SDK1: variants seen among roughly 807,000 people sequenced by gnomAD.
SDK1 encodes protein sidekick-1.
In SDK1, 157 loss-of-function variants were observed where a neutral mutation model predicts 245.5. The observed-to-expected ratio is 0.64, with a 90% CI of 0.56 to 0.73. The LOEUF is 0.73. Ranked by LOEUF, SDK1 falls within the 30% of genes least tolerant of loss-of-function variation. SDK1 has a pLI of 0.00. For synonymous variants in SDK1, 1,647 were observed against 1,278.5 expected, an observed-to-expected ratio of 1.29 and a Z score of -6.15; for missense variants, 3,583 against 3,002.3, an observed-to-expected ratio of 1.19 and a Z score of -4.52.
chr7:3,814,515 G>C (rs1389576861), intron 4 of SDK1, among the ~76,000 whole-genome samples: 1 of 151,854 alleles, frequency 6.6e-6, no homozygotes, highest in Non-Finnish European at 1.5e-5. Context: ...GGTTACTGTA[G>C]CCTTGTAGTA....
At position 3,796,621 on chromosome 7, in the gene SDK1, T is replaced by G. The variant is rs951879180; in HGVS notation, c.714-24829T>G. ...CTTACCATCTCCCTCGTGACCACCT[T>G]GGCTCAAGCCAACATCTCTGGGCAC... On this transcript the variant is annotated intron_variant, in intron 4 of 44. Transcript: ENST00000404826. Among the ~76,000 whole-genome samples, 6 of 152,328 alleles carry G rather than the reference T, an allele frequency of 3.9e-5. No homozygotes were observed. In the East Asian group the frequency reaches 1.2e-3, roughly 29 times the overall value.
chr7:3,928,257 C>T (rs965732285), intron 5 of SDK1, among the ~76,000 whole-genome samples: 6 of 152,102 alleles, frequency 3.9e-5, no homozygotes, highest in African/African-American at 1.2e-4. Flanking sequence ...GGAGTTTTTT[C>T]GGTCTGAATT....
intron 35 of SDK1, among the ~76,000 whole-genome samples, chr7:4,186,490 A>C (rs1280873097): frequency 1.3e-5 from 2 of 152,152 alleles, no homozygotes. Flanking sequence ...GCCTCCTTGG[A>C]GCCTGTGGCC....
intron 35 of SDK1, among the ~76,000 whole-genome samples, chr7:4,188,708 A>G (rs1466172229): frequency 6.6e-6 from 1 of 152,116 alleles, no homozygotes; most frequent in Non-Finnish European, 1.5e-5. Flanking sequence ...AGAAAAAAAA[A>G]ACTCTTTCAT....
chr7:3,562,713 C>T (rs1023457684), intron 1 of SDK1, among the ~76,000 whole-genome samples: 1 of 152,188 alleles, frequency 6.6e-6, no homozygotes, highest in Non-Finnish European at 1.5e-5. Flanking sequence ...TAAGTGCAAT[C>T]ACGTTAAGTT....
At chr7:4,190,499 T>TG (rs1452570104) in intron 35 of SDK1, among the ~76,000 whole-genome samples, 1 of 152,232 alleles carries the variant, frequency 6.6e-6, no homozygotes, top group Non-Finnish European at 1.5e-5. Flanking sequence ...TCCCACCCTC[T>TG]GGGCTCCAGC....
intron 2 of SDK1, among the ~76,000 whole-genome samples, chr7:3,637,965 G>C (rs930565380): frequency 1.3e-5 from 2 of 152,242 alleles, no homozygotes; most frequent in Non-Finnish European, 2.9e-5. Context: ...ACAAGACATC[G>C]TGTTAAGACT....
At chr7:3,869,346 G>T (rs929851185) in intron 5 of SDK1, among the ~76,000 whole-genome samples, 1 of 151,980 alleles carries the variant, frequency 6.6e-6, no homozygotes, top group Non-Finnish European at 1.5e-5. Context: ...AGTGGAGACG[G>T]GGTTTCACCA....
chr7:3,663,685 G>C (rs1233426996), intron 4 of SDK1, among the ~76,000 whole-genome samples: 1 of 152,182 alleles, frequency 6.6e-6, no homozygotes, highest in Non-Finnish European at 1.5e-5. Flanking sequence ...GGCAAACCGA[G>C]ATGGCTGGCC....
At chr7:4,186,950 C>T (rs918423269) in intron 35 of SDK1, among the ~76,000 whole-genome samples, 3 of 152,176 alleles carry the variant, frequency 2.0e-5, no homozygotes, top group African/African-American at 7.2e-5. Context: ...CCCCTGGCAT[C>T]TGTAGCCTCC....
intron 1 of SDK1, among the ~76,000 whole-genome samples, chr7:3,511,860 T>C (rs1032421441): frequency 6.7e-6 from 1 of 149,290 alleles, no homozygotes. Flanking sequence ...GCTGGTACAC[T>C]GATATCTCGT....
intron 4 of SDK1, among the ~76,000 whole-genome samples, chr7:3,793,261 C>A (rs1024540978): frequency 6.6e-6 from 1 of 152,132 alleles, no homozygotes; most frequent in South Asian, 2.1e-4. Flanking sequence ...AAGATCCTGT[C>A]AATGATTCAT....
intron 4 of SDK1, among the ~76,000 whole-genome samples, chr7:3,762,374 C>T (rs897047233): frequency 5.3e-5 from 8 of 152,182 alleles, no homozygotes; most frequent in Admixed American, 1.3e-4. Flanking sequence ...GGCGGCTCTG[C>T]GCCCTCATAG....
chr7:4,010,743 C>T (rs1785880231), intron 14 of SDK1, among the ~76,000 whole-genome samples: 1 of 152,130 alleles, frequency 6.6e-6, no homozygotes, highest in African/African-American at 2.4e-5. Context: ...TCCTTTTGCT[C>T]ATTGATGGCG....
At chr7:3,447,878 A>G (rs1236547623) in intron 1 of SDK1, among the ~76,000 whole-genome samples, 1 of 151,452 alleles carries the variant, frequency 6.6e-6, no homozygotes, top group African/African-American at 2.4e-5. Flanking sequence ...CTAATTTCGT[A>G]TTTTTAGTAG....
chr7:3,448,945 C>T (rs779932886), intron 1 of SDK1, among the ~76,000 whole-genome samples: 4 of 152,116 alleles, frequency 2.6e-5, no homozygotes, highest in Non-Finnish European at 5.9e-5. Flanking sequence ...CGAACAAATT[C>T]ACTAATCAGC....
Position 4,011,127 on chromosome 7 carries a change from G to A in SDK1, c.2279+14G>A, listed in dbSNP as rs199525315. The stretch of plus-strand genomic sequence containing the variant: ...CGAGACAAGCAGGTGCGTGAATCCC[G>A]CCCCAGGTGGGGGTGTGGAACAGCC... On this transcript the variant is annotated intron_variant, in intron 15 of 44. Transcript: ENST00000404826. 60 of 1,612,058 alleles carry A rather than the reference G, an allele frequency of 3.7e-5. No individual in the cohort carries two copies. The highest frequency in any genetic ancestry group is 1.6e-4 in the Middle Eastern group (1 of 6,062).
rs565321965 is a variant in SDK1 at position 4,097,583 on chromosome 7, A to T, written c.3325-13080A>T. The stretch of plus-strand genomic sequence containing the variant: ...CCAACCTTGATTGACTTCACTGTCC[A>T]CCTGGCCACCTGTTACCTCTGTAGG... On this transcript the variant is annotated intron_variant, in intron 22 of 44. Coordinates refer to ENST00000404826, the MANE Select transcript of SDK1 (RefSeq NM_152744.4). Among the ~76,000 whole-genome samples, 126 of 152,296 alleles carry T rather than the reference A, an allele frequency of 8.3e-4. 1 individual carries two copies. The highest frequency in any genetic ancestry group is 8.8e-5 in the Non-Finnish European group (6 of 68,022).
intron 1 of SDK1, among the ~76,000 whole-genome samples, chr7:3,333,191 C>A (rs926328981): frequency 6.6e-6 from 1 of 152,000 alleles, no homozygotes; most frequent in South Asian, 2.1e-4. Context: ...AGGGAGGGTA[C>A]CTGATTTCTA....
Sources: gnomAD v4.1 joint callset for allele counts (sites outside exome capture counted in the v4.1 genomes callset) on GRCh38, gnomAD v4.1.1 for gene constraint, MANE v1.5 for transcripts, NCBI Gene and HGNC (gene_info 2026-07-23, HGNC 2026-07-21) for gene names.